Variants in SLCO1B3 observed in about 807,000 individuals in gnomAD.
SLCO1B3 encodes liver-specific organic anion transporter 2.
A neutral mutation model predicts 71.8 loss-of-function variants in SLCO1B3; 72 were observed. The ratio of observed to expected loss-of-function variants is 1.00; its 90% CI spans 0.83 to 1.22. SLCO1B3 has a LOEUF of 1.22. SLCO1B3 is among the 50% of genes most tolerant of loss of function. SLCO1B3 has a pLI of 0.00. For synonymous variants in SLCO1B3, 298 were observed against 278.4 expected, an observed-to-expected ratio of 1.07 and a Z score of -0.70; for missense variants, 911 against 819.7, an observed-to-expected ratio of 1.11 and a Z score of -1.36.
chr12:20,820,225 C>A (rs377625102), intron 3 of SLCO1B3, among the ~76,000 whole-genome samples: 1 of 151,900 alleles, frequency 6.6e-6, no homozygotes. Flanking sequence ...TAAAGCTCGG[C>A]GTCCGTGATG....
At chr12:20,844,245 T>A (rs889177996) in intron 3 of SLCO1B3, among the ~76,000 whole-genome samples, 3 of 151,978 alleles carry the variant, frequency 2.0e-5, no homozygotes, top group African/African-American at 7.3e-5. Context: ...ACCTTACATA[T>A]ATATATGTAT....
At chr12:20,840,499 C>A (rs149733493) in intron 3 of SLCO1B3, among the ~76,000 whole-genome samples, 4 of 150,714 alleles carry the variant, frequency 2.7e-5, no homozygotes, top group African/African-American at 9.8e-5. Context: ...TCAAGCAATT[C>A]TCTGCCTCAG....
intron 7 of SLCO1B3, 35 bp downstream of exon 7, chr12:20,862,593 A>C: frequency 1.3e-6 from 2 of 1,554,798 alleles, no homozygotes; most frequent in Non-Finnish European, 8.7e-7. Context: ...TCATGATTAC[A>C]TTCCCTGGAT....
intron 9 of SLCO1B3, among the ~76,000 whole-genome samples, chr12:20,876,864 T>C (rs1024683327): frequency 6.6e-6 from 1 of 152,056 alleles, no homozygotes; most frequent in Non-Finnish European, 1.5e-5. Context: ...AGAGTCTCGC[T>C]CTGTCACCCA....
At chr12:20,842,516 G>C (rs1346743988) in intron 3 of SLCO1B3, among the ~76,000 whole-genome samples, 1 of 150,992 alleles carries the variant, frequency 6.6e-6, no homozygotes, top group Non-Finnish European at 1.5e-5. Context: ...TTTTTTAATT[G>C]CTTCTTATTC....
At chr12:20,823,778 C>A (rs7295228) in intron 3 of SLCO1B3, among the ~76,000 whole-genome samples, 6,535 of 152,196 alleles carry the variant, frequency 0.043, 381 homozygotes, top group East Asian at 0.12. Context: ...TTTCTGAGGT[C>A]TTAAGAAAGC....
chr12:20,885,978 A>G (rs1057320387), intron 13 of SLCO1B3, among the ~76,000 whole-genome samples: 10 of 152,150 alleles, frequency 6.6e-5, no homozygotes, highest in Non-Finnish European at 2.9e-5. Context: ...ATCATTCTTC[A>G]CAATGAGGTA....
intron 3 of SLCO1B3, among the ~76,000 whole-genome samples, chr12:20,853,755 C>T (rs1161834790): frequency 3.3e-5 from 5 of 151,134 alleles, no homozygotes; most frequent in South Asian, 4.2e-4. Context: ...ATATTTTCTT[C>T]GTCTCTTAAT....
chr12:20,902,748 C>T (rs1448690941), intron 15 of SLCO1B3, among the ~76,000 whole-genome samples: 1 of 151,960 alleles, frequency 6.6e-6, no homozygotes, highest in Non-Finnish European at 1.5e-5. Flanking sequence ...AACCAAATGT[C>T]CTATGTATAT....
At chr12:20,909,525 G>T (rs765650010) in intron 15 of SLCO1B3, among the ~76,000 whole-genome samples, 1 of 151,408 alleles carries the variant, frequency 6.6e-6, no homozygotes, top group African/African-American at 2.4e-5. Context: ...TTTGTGGGGA[G>T]ATATATGTTA....
At chr12:20,892,964 T>C (rs772183962) in intron 13 of SLCO1B3, among the ~76,000 whole-genome samples, 5 of 152,150 alleles carry the variant, frequency 3.3e-5, no homozygotes. Context: ...AAGGATGAGA[T>C]GGACAAAAAT....
chr12:20,901,407 G>A lies in SLCO1B3; in HGVS notation c.1805G>A (p.Trp602Ter). ...CTGATTGATAAAACATGTATGAAGT[G>A]GTCCACCAACAGCTGTGGAGCACAA... The part of the protein sequence containing the change: ...GALIDKTCMK[W>*]STNSCGAQGA... The change falls in exon 15 of 16, where the codon TGG becomes TAG. Residue 602 changes from tryptophan to a stop codon, truncating the protein, a stop_gained. Transcript: ENST00000381545. LOFTEE classifies it high-confidence loss of function. 6.3e-7 allele frequency: 1 copy of A among 1,587,324 alleles called. No individual in the cohort carries two copies. The highest frequency in any genetic ancestry group is 8.5e-7 in the Non-Finnish European group (1 of 1,171,252).
chr12:20,873,596 A>T (rs903358053), intron 8 of SLCO1B3, among the ~76,000 whole-genome samples: 2 of 152,162 alleles, frequency 1.3e-5, no homozygotes, highest in African/African-American at 4.8e-5. Flanking sequence ...AGCTGGGAGC[A>T]TTTTTTAAAA....
chr12:20,859,296 A>G (rs1190828326), intron 5 of SLCO1B3, among the ~76,000 whole-genome samples: 1 of 152,184 alleles, frequency 6.6e-6, no homozygotes. Flanking sequence ...TTTTACACAT[A>G]GATATGTAGA....
chr12:20,826,325 A>G (rs1252798983), intron 3 of SLCO1B3, among the ~76,000 whole-genome samples: 2 of 152,200 alleles, frequency 1.3e-5, no homozygotes, highest in African/African-American at 4.8e-5. Flanking sequence ...TATTATCTCA[A>G]TCCTTCTCAA....
chr12:20,820,367 G>A (rs11045526), intron 3 of SLCO1B3, among the ~76,000 whole-genome samples: 69,356 of 151,916 alleles, frequency 0.46, 17,879 homozygotes, highest in South Asian at 0.64. Context: ...TGAACAGTCC[G>A]ATTTCCACTG....
chr12:20,871,181 A>T (rs1046934609), intron 8 of SLCO1B3, among the ~76,000 whole-genome samples: 3 of 152,114 alleles, frequency 2.0e-5, no homozygotes, highest in African/African-American at 7.2e-5. Context: ...GTATCAGGGT[A>T]ATATTGGCCT....
chr12:20,858,662 C>T, intron 5 of SLCO1B3, 91 bp downstream of exon 5: 1 of 1,232,404 alleles, frequency 8.1e-7, no homozygotes, highest in East Asian at 2.3e-5. Context: ...TGGGCAGTTA[C>T]CTTTTGAGAG....
At chr12:20,883,657 TG>T in intron 13 of SLCO1B3, 55 bp downstream of exon 13, 1 of 1,108,740 alleles carries the variant, frequency 9.0e-7, no homozygotes, top group Non-Finnish European at 1.3e-6. Flanking sequence ...ACACACCTAA[TG>T]ATAGGCATAT....
Sources: allele counts gnomAD v4.1 joint callset (sites outside exome capture counted in the v4.1 genomes callset), GRCh38; gene constraint gnomAD v4.1.1; transcripts MANE v1.5; gene names NCBI Gene and HGNC (gene_info 2026-07-23, HGNC 2026-07-21).